The following CAMTA1 variants were observed in gnomAD, a reference collection of about 807,000 sequenced individuals.
The protein encoded by CAMTA1 is calmodulin-binding transcription activator 1.
CAMTA1 carries 27 observed loss-of-function variants against 170.9 expected under a neutral mutation model. That is an observed-to-expected ratio of 0.16 (90% confidence interval 0.12 to 0.22). The LOEUF is 0.22. Among genes scored for constraint, CAMTA1 ranks in the 10% least tolerant of loss-of-function variants. CAMTA1 has a pLI of 1.00. For synonymous variants in CAMTA1, 833 were observed against 891.5 expected, an observed-to-expected ratio of 0.93 and a Z score of 1.17; for missense variants, 1,619 against 2,217.2, an observed-to-expected ratio of 0.73 and a Z score of 5.42.
At chr1:7,406,848 A>G (rs1233105676) in intron 5 of CAMTA1, among the ~76,000 whole-genome samples, 1 of 152,092 alleles carries the variant, frequency 6.6e-6, no homozygotes, top group Non-Finnish European at 1.5e-5. Context: ...AGGCTTTTCA[A>G]AAAACCTCAC....
chr1:7,434,966 C>T (rs1186376506), intron 5 of CAMTA1, among the ~76,000 whole-genome samples: 1 of 151,972 alleles, frequency 6.6e-6, no homozygotes, highest in East Asian at 1.9e-4. Flanking sequence ...GTAAAAGGAT[C>T]ACCTGAGCCC....
chr1:7,535,856 G>A (rs1048621404), intron 6 of CAMTA1, among the ~76,000 whole-genome samples: 2 of 152,318 alleles, frequency 1.3e-5, no homozygotes, highest in African/African-American at 4.8e-5. Flanking sequence ...AACCTGGGGC[G>A]CTGCCACAGG....
intron 7 of CAMTA1, among the ~76,000 whole-genome samples, chr1:7,653,970 G>C (rs1470272232): frequency 6.6e-6 from 1 of 152,166 alleles, no homozygotes; most frequent in Non-Finnish European, 1.5e-5. Context: ...GGCCCCTTAG[G>C]ACACAGGTGC....
intron 5 of CAMTA1, among the ~76,000 whole-genome samples, chr1:7,375,277 G>A (rs935826159): frequency 2.0e-5 from 3 of 152,056 alleles, no homozygotes; most frequent in South Asian, 4.1e-4. Flanking sequence ...TAGAGAGGAC[G>A]CCAGTGCATG....
chr1:6,816,032 A>G (rs1007707289), intron 1 of CAMTA1, among the ~76,000 whole-genome samples: 1 of 152,132 alleles, frequency 6.6e-6, no homozygotes, highest in Non-Finnish European at 1.5e-5. Flanking sequence ...ACCTTTAAAA[A>G]AATACTGAGG....
intron 3 of CAMTA1, among the ~76,000 whole-genome samples, chr1:7,074,868 G>A (rs1639094586): frequency 6.6e-6 from 1 of 152,224 alleles, no homozygotes; most frequent in Non-Finnish European, 1.5e-5. Flanking sequence ...GACCAAGGAT[G>A]AAGGGACAGA....
At chr1:7,621,788 C>G (rs1454242214) in intron 6 of CAMTA1, among the ~76,000 whole-genome samples, 2 of 152,226 alleles carry the variant, frequency 1.3e-5, no homozygotes, top group African/African-American at 4.8e-5. Context: ...GCCAGCAACA[C>G]AGCCTGGCCC....
Position 7,253,749 on chromosome 1 carries a change from G to A in CAMTA1, c.438+4123G>A, listed in dbSNP as rs115718406. Among the ~76,000 whole-genome samples, 718 of 152,258 alleles carry A rather than the reference G, an allele frequency of 4.7e-3. 8 individuals carry two copies. Among genetic ancestry groups the A allele is most frequent in the African/African-American group, 0.016 (668 of 41,556 alleles). ...GAGCCTGGGTCTGCTTGGTTCTAAAGCTCAAGCTCTTGCCATTATATCAGT... is the reference window on the plus strand; with the variant it reads ...GAGCCTGGGTCTGCTTGGTTCTAAAACTCAAGCTCTTGCCATTATATCAGT... On this transcript the variant is annotated intron_variant, in intron 5 of 22. Transcript: ENST00000303635.
intron 6 of CAMTA1, among the ~76,000 whole-genome samples, chr1:7,599,503 G>A (rs2095424615): frequency 6.6e-6 from 1 of 152,104 alleles, no homozygotes; most frequent in African/African-American, 2.4e-5. Flanking sequence ...TGATGGGGAT[G>A]GCATTGAATC....
chr1:7,274,484 A>G (rs566667972), intron 5 of CAMTA1, among the ~76,000 whole-genome samples: 1 of 152,314 alleles, frequency 6.6e-6, no homozygotes, highest in Admixed American at 6.5e-5. Flanking sequence ...GGAAGAATGG[A>G]TAAATTTCAC....
intron 4 of CAMTA1, among the ~76,000 whole-genome samples, chr1:7,137,845 T>G (rs1645629800): frequency 1.3e-5 from 2 of 152,124 alleles, no homozygotes; most frequent in Admixed American, 1.3e-4. Context: ...CTCCCTCCTC[T>G]CCACTGCCCG....
chr1:7,492,816 C>T (rs1441580866), intron 6 of CAMTA1, among the ~76,000 whole-genome samples: 4 of 125,498 alleles, frequency 3.2e-5, no homozygotes, highest in Non-Finnish European at 5.0e-5. Flanking sequence ...CATGCGCGCA[C>T]AGACACACAA....
chr1:6,899,554 G>GCACGCACA (rs1676461035), intron 3 of CAMTA1, among the ~76,000 whole-genome samples: 1 of 141,086 alleles, frequency 7.1e-6, no homozygotes, highest in African/African-American at 2.6e-5. Context: ...ACGCGCGCGC[G>GCACGCACA]CACACACACA....
intron 4 of CAMTA1, among the ~76,000 whole-genome samples, chr1:7,208,636 T>C (rs1415366828): frequency 1.3e-5 from 2 of 152,182 alleles, no homozygotes; most frequent in East Asian, 3.8e-4. Context: ...GGCGCTTAAA[T>C]TGCCCAGTGT....
intron 6 of CAMTA1, among the ~76,000 whole-genome samples, chr1:7,483,450 C>T (rs776492396): frequency 1.3e-5 from 2 of 152,184 alleles, no homozygotes; most frequent in Non-Finnish European, 2.9e-5. Flanking sequence ...TTCTCCCCAC[C>T]CTGAGGAAGG....
chr1:7,365,176 C>A (rs908448035), intron 5 of CAMTA1, among the ~76,000 whole-genome samples: 9 of 152,188 alleles, frequency 5.9e-5, no homozygotes, highest in African/African-American at 2.2e-4. Flanking sequence ...CCCCAGTGGA[C>A]GCTGAATTCC....
At chr1:6,955,013 T>C (rs754960860) in intron 3 of CAMTA1, among the ~76,000 whole-genome samples, 26 of 152,172 alleles carry the variant, frequency 1.7e-4, no homozygotes, top group Non-Finnish European at 3.4e-4. Context: ...TCGTGTTTAT[T>C]GATTGTTGTC....
intron 5 of CAMTA1, among the ~76,000 whole-genome samples, chr1:7,462,542 A>G (rs2093114970): frequency 6.6e-6 from 1 of 152,232 alleles, no homozygotes; most frequent in South Asian, 2.1e-4. Context: ...GGCAGGAACC[A>G]CCACACCCGG....
At chr1:7,087,618 G>T (rs1640917344) in intron 3 of CAMTA1, among the ~76,000 whole-genome samples, 1 of 152,184 alleles carries the variant, frequency 6.6e-6, no homozygotes, top group Non-Finnish European at 1.5e-5. Context: ...GCATGGGTTT[G>T]GGTTCTGGTT....
Sources: allele counts gnomAD v4.1 joint callset (sites outside exome capture counted in the v4.1 genomes callset), GRCh38; gene constraint gnomAD v4.1.1; transcripts MANE v1.5; gene names NCBI Gene and HGNC (gene_info 2026-07-23, HGNC 2026-07-21).